RBFOX1: variants seen among roughly 807,000 people sequenced by gnomAD.
RBFOX1 encodes the protein RNA binding protein fox-1 homolog 1.
Under a neutral mutation model 57.7 loss-of-function variants are expected in RBFOX1, and 8 were observed. The observed-to-expected ratio is 0.14, with a 90% confidence interval of 0.08 to 0.25. The LOEUF (loss-of-function observed/expected upper bound fraction) is 0.25. Among genes scored for constraint, RBFOX1 ranks in the 10% least tolerant of loss-of-function variants. The pLI, the probability that RBFOX1 is intolerant of heterozygous loss-of-function variation, is 1.00. For missense variants in RBFOX1, 611 were observed against 548.5 expected (o/e 1.11, Z -1.14); for synonymous variants, 326 against 222.4 (o/e 1.47, Z -4.15).
At chr16:6,506,889 C>T (rs1377806198) in intron 2 of RBFOX1, among the ~76,000 whole-genome samples, 1 of 152,128 alleles carries the variant, frequency 6.6e-6, no homozygotes, top group South Asian at 2.1e-4. Context: ...CTCAAGTGAT[C>T]CACCTGCCTT....
intron 3 of RBFOX1, among the ~76,000 whole-genome samples, chr16:5,709,609 T>G (rs1169563262): frequency 6.6e-6 from 1 of 151,268 alleles, no homozygotes; most frequent in Admixed American, 6.6e-5. Context: ...ACAGCAAGCA[T>G]CATTAGCTAG....
At chr16:7,147,868 G>C (rs769961661) in intron 4 of RBFOX1, among the ~76,000 whole-genome samples, 4 of 152,170 alleles carry the variant, frequency 2.6e-5, no homozygotes, top group South Asian at 2.1e-4. Context: ...TGGTAGTTCT[G>C]TTTAAGCCCT....
intron 2 of RBFOX1, among the ~76,000 whole-genome samples, chr16:6,599,100 G>T (rs774590594): frequency 2.0e-5 from 3 of 152,190 alleles, no homozygotes; most frequent in Non-Finnish European, 4.4e-5. Flanking sequence ...ATACCAGTCA[G>T]TATGTTCCAA....
intron 5 of RBFOX1, among the ~76,000 whole-genome samples, chr16:7,521,175 AC>A (rs2077437312): frequency 6.6e-6 from 1 of 152,194 alleles, no homozygotes; most frequent in Non-Finnish European, 1.5e-5. Flanking sequence ...AGGGAATACC[AC>A]AGTCAGAGGT....
intron 2 of RBFOX1, among the ~76,000 whole-genome samples, chr16:6,614,972 C>T (rs140204183): frequency 6.6e-6 from 1 of 152,050 alleles, no homozygotes; most frequent in Non-Finnish European, 1.5e-5. Flanking sequence ...TGACTGCATC[C>T]CAATTACCAG....
intron 4 of RBFOX1, among the ~76,000 whole-genome samples, chr16:5,881,635 G>A (rs745787530): frequency 6.6e-5 from 10 of 152,046 alleles, no homozygotes; most frequent in Non-Finnish European, 1.2e-4. Context: ...AGTCAAAATT[G>A]TACCGCTGCA....
At position 6,984,700 on chromosome 16, in the gene RBFOX1, G is replaced by C. The variant is rs529614715; in HGVS notation, c.-15-67357G>C. 2.0e-5 allele frequency among the ~76,000 whole-genome samples: 3 copies of C among 152,230 alleles called. No homozygotes were observed. In the South Asian group the frequency reaches 6.2e-4, roughly 32 times the overall value. ...CTGTTGACCAGGCTGGAGTGCAGTGGTGTGATCTCTTCTCACTGCAACCTC... is the reference window on the plus strand; with the variant it reads ...CTGTTGACCAGGCTGGAGTGCAGTGCTGTGATCTCTTCTCACTGCAACCTC... On this transcript the variant is annotated intron_variant, in intron 3 of 15. Coordinates refer to ENST00000550418, the MANE Select transcript of RBFOX1 (RefSeq NM_018723.4).
chr16:5,431,175 T>G (rs548892759), intron 1 of RBFOX1, among the ~76,000 whole-genome samples: 1 of 152,248 alleles, frequency 6.6e-6, no homozygotes, highest in South Asian at 2.1e-4. Context: ...GGTGTCCTGA[T>G]GACTTGGATT....
intron 4 of RBFOX1, among the ~76,000 whole-genome samples, chr16:7,117,134 A>G (rs2066082923): frequency 6.6e-6 from 1 of 152,162 alleles, no homozygotes. Flanking sequence ...GGGTTGAAGA[A>G]AAGATAGTAA....
intron 1 of RBFOX1, among the ~76,000 whole-genome samples, chr16:5,344,184 C>T (rs1057430838): frequency 8.5e-5 from 13 of 152,170 alleles, no homozygotes; most frequent in African/African-American, 2.7e-4. Context: ...TCCCTGAATG[C>T]ACTCTGCAAA....
At chr16:5,990,767 A>G (rs1243742380) in intron 4 of RBFOX1, among the ~76,000 whole-genome samples, 1 of 152,250 alleles carries the variant, frequency 6.6e-6, no homozygotes, top group Non-Finnish European at 1.5e-5. Context: ...CAGGAGTTCA[A>G]GACCAGCCCC....
chr16:5,381,996 G>A (rs185466870), intron 1 of RBFOX1, among the ~76,000 whole-genome samples: 1 of 152,342 alleles, frequency 6.6e-6, no homozygotes, highest in East Asian at 1.9e-4. Flanking sequence ...GACGTCAGTA[G>A]CATCTTCATC....
chr16:6,778,130 C>A (rs149779123), intron 3 of RBFOX1, among the ~76,000 whole-genome samples: 2 of 151,990 alleles, frequency 1.3e-5, no homozygotes, highest in African/African-American at 4.8e-5. Context: ...ATGCGCAGTG[C>A]GATTAAACAG....
At chr16:7,012,947 G>T (rs1006120937) in intron 3 of RBFOX1, among the ~76,000 whole-genome samples, 1 of 152,120 alleles carries the variant, frequency 6.6e-6, no homozygotes, top group Non-Finnish European at 1.5e-5. Flanking sequence ...TCTCTTTGTG[G>T]TTGGCAGATG....
At chr16:5,684,732 G>A (rs1012497705) in intron 3 of RBFOX1, among the ~76,000 whole-genome samples, 20 of 152,274 alleles carry the variant, frequency 1.3e-4, no homozygotes, top group African/African-American at 4.3e-4. Context: ...ATACATCACC[G>A]CCTACTGTAA....
chr16:7,178,907 A>G (rs1057497552), intron 4 of RBFOX1, among the ~76,000 whole-genome samples: 2 of 152,154 alleles, frequency 1.3e-5, no homozygotes, highest in Non-Finnish European at 2.9e-5. Context: ...TGATTTGGTT[A>G]ACAAGATCGT....
chr16:6,634,498 T>C (rs951646505), intron 2 of RBFOX1, among the ~76,000 whole-genome samples: 10 of 149,368 alleles, frequency 6.7e-5, no homozygotes, highest in African/African-American at 2.4e-4. Context: ...TTATATAATA[T>C]TATATCCATT....
intron 3 of RBFOX1, among the ~76,000 whole-genome samples, chr16:6,731,075 A>C (rs891151701): frequency 6.6e-6 from 1 of 152,190 alleles, no homozygotes; most frequent in Non-Finnish European, 1.5e-5. Context: ...CCTCAGGAAT[A>C]TCCTTTACCT....
rs1166626158 is a variant in RBFOX1 at position 5,240,034 on chromosome 16, G to A, written c.148G>A (p.Glu50Lys). ...GGGAAGCGCACAGCCCGAGGACTGC[G>A]AGGACGGGAAGGACGCGCCGCGGCC... Residue 50 changes from glutamate to lysine, a missense_variant, in exon 1 of 3, where the codon GAG (glutamate) becomes AAG (lysine). Glu to Lys is a moderately conservative substitution (Grantham distance 56, BLOSUM62 1). Transcript: ENST00000585867. 4.6e-6 allele frequency: 7 copies of A among 1,531,784 alleles called. No homozygotes were observed. In the East Asian group the frequency reaches 7.4e-5, roughly 16 times the overall value. The allele number at this position is 1,531,784 out of a possible 1,614,324, so 94.9% of individuals were successfully genotyped here.
Sources: gnomAD v4.1 joint callset for allele counts (sites outside exome capture counted in the v4.1 genomes callset) on GRCh38, gnomAD v4.1.1 for gene constraint, MANE v1.5 for transcripts, NCBI Gene and HGNC (gene_info 2026-07-23, HGNC 2026-07-21) for gene names.